The following BTBD7 variants were observed in gnomAD, a reference collection of about 807,000 sequenced individuals.
BTBD7 encodes the protein BTB/POZ domain-containing protein 7.
Under a neutral mutation model 99.9 loss-of-function variants are expected in BTBD7, and 38 were observed. The observed-to-expected ratio is 0.38, with a 90% CI of 0.29 to 0.50. The LOEUF (loss-of-function observed/expected upper bound fraction) is 0.50. BTBD7 is among the 20% of genes least tolerant of loss of function. BTBD7 has a pLI of 0.93. For missense variants in BTBD7, 1,170 were observed against 1,394.6 expected, an observed-to-expected ratio of 0.84 and a Z score of 2.57; for synonymous variants, 520 against 511.4, an observed-to-expected ratio of 1.02 and a Z score of -0.23.
In BTBD7 at chr14:93,264,543, T is replaced by C. The variant is rs924672677; in HGVS notation, c.1163-550A>G. On this transcript the variant is annotated intron_variant, in intron 3 of 10. Transcript: ENST00000334746. Reference sequence around the variant, plus strand: ...ATTCTGGCAAACTTGAAAAAGTAAGTGAAGAGGACCAGGATCCTGGAGAAA... The same window carrying C: ...ATTCTGGCAAACTTGAAAAAGTAAGCGAAGAGGACCAGGATCCTGGAGAAA... Among the ~76,000 whole-genome samples, 5 of 151,918 alleles carry C rather than the reference T, an allele frequency of 3.3e-5. No individual in the cohort carries two copies. In the East Asian group the frequency reaches 9.7e-4, roughly 29 times the overall value.
At chr14:93,330,099 C>G (rs1002865945) in intron 1 of BTBD7, among the ~76,000 whole-genome samples, 6 of 152,178 alleles carry the variant, frequency 3.9e-5, no homozygotes, top group African/African-American at 1.4e-4. Context: ...TCTCCTCACT[C>G]TAACTTAACC....
chr14:93,315,405 C>T (rs1437738567), intron 1 of BTBD7, among the ~76,000 whole-genome samples: 5 of 152,170 alleles, frequency 3.3e-5, no homozygotes, highest in African/African-American at 1.2e-4. Context: ...TTTTGTTAGC[C>T]ATTGAGGTGT....
chr14:93,307,450 C>A (rs2053084513), intron 1 of BTBD7, among the ~76,000 whole-genome samples: 1 of 152,184 alleles, frequency 6.6e-6, no homozygotes, highest in South Asian at 2.1e-4. Context: ...GCCAGCACAC[C>A]CAGACGTGAC....
At chr14:93,300,878 A>G (rs1041600479) in intron 1 of BTBD7, among the ~76,000 whole-genome samples, 3 of 151,800 alleles carry the variant, frequency 2.0e-5, no homozygotes, top group Non-Finnish European at 2.9e-5. Flanking sequence ...GGCTTCCCAA[A>G]GTGCTGGGAT....
At chr14:93,252,226 C>T (rs114531393) in intron 7 of BTBD7, among the ~76,000 whole-genome samples, 2,538 of 151,760 alleles carry the variant, frequency 0.017, 74 homozygotes, top group African/African-American at 0.059. Flanking sequence ...ACGAGAACTG[C>T]TTGAACTCGG....
At chr14:93,259,717 T>A (rs2052467476) in intron 5 of BTBD7, among the ~76,000 whole-genome samples, 1 of 152,226 alleles carries the variant, frequency 6.6e-6, no homozygotes, top group Non-Finnish European at 1.5e-5. Context: ...GTGGATCATC[T>A]GAGGTCAGGA....
At chr14:93,256,928 A>G in intron 6 of BTBD7, 1 of 398,316 alleles carries the variant, frequency 2.5e-6, no homozygotes, top group Non-Finnish European at 4.5e-6. Context: ...TCTACACTTA[A>G]ATGACAGAAT....
intron 1 of BTBD7, among the ~76,000 whole-genome samples, chr14:93,322,307 T>C (rs1166447172): frequency 6.6e-6 from 1 of 151,842 alleles, no homozygotes; most frequent in Non-Finnish European, 1.5e-5. Flanking sequence ...TTTGTAGAGG[T>C]GTGATCTCGC....
intron 1 of BTBD7, 66 bp downstream of exon 1, chr14:93,332,754 G>A (rs1566872023): frequency 1.4e-6 from 2 of 1,438,392 alleles, no homozygotes; most frequent in Non-Finnish European, 1.8e-6. Context: ...TCCTCTCCCG[G>A]ACGCCCCGCG....
Position 93,294,337 on chromosome 14 carries a change from C to G in BTBD7, c.683G>C (p.Gly228Ala), listed in dbSNP as rs1221777288. ...DILVQLSEEF[G>A]TPNSLDVDMR... ...ATCTACATCAAGGGAATTTGGTGTT[C>G]CAAATTCTTCACTAAGCTGAACAAG... Residue 228 changes from glycine (G) to alanine (A), a missense_variant, in exon 3 of 11, where the codon GGA (glycine) becomes GCA (alanine). Physicochemically the swap from Gly to Ala is moderately conservative, Grantham distance 60 (BLOSUM62 0). This residue lies in a region of BTBD7 where 359 missense variants were observed against 497.9 expected (regional missense o/e 0.72). Transcript: ENST00000334746. 1 of 1,613,990 alleles carries G rather than the reference C, an allele frequency of 6.2e-7. No individual in the cohort carries two copies. Among genetic ancestry groups the G allele is most frequent in the East Asian group, 2.2e-5 (1 of 44,894 alleles).
At chr14:93,264,106 A>T (rs1193906323) in intron 3 of BTBD7, 113 bp from the exon 4 acceptor site, 39 of 902,618 alleles carry the variant, frequency 4.3e-5, no homozygotes, top group Non-Finnish European at 5.5e-5. Context: ...ACTCAAGGAG[A>T]TAAATAAAAT....
In BTBD7 at chr14:93,246,225, C is replaced by T; in HGVS notation, c.2183G>A (p.Arg728Lys). 6.3e-7 allele frequency: 1 copy of T among 1,587,994 alleles called. No individual in the cohort carries two copies. Among genetic ancestry groups the T allele is most frequent in the Non-Finnish European group, 8.6e-7 (1 of 1,165,422 alleles). The change falls in exon 10 of 11, where the codon AGA becomes AAA. Residue 728 changes from arginine (R) to lysine (K), a missense_variant. Transcript: ENST00000334746. ...GTTTACGCGACATCTCCCAGGCTGTCTCATTGTCAAGAGTGGACTTTCATC... is the reference window on the plus strand; with the variant it reads ...GTTTACGCGACATCTCCCAGGCTGTTTCATTGTCAAGAGTGGACTTTCATC... ...FGDESPLLTM[R>K]QPGRCRVNST...
intron 1 of BTBD7, among the ~76,000 whole-genome samples, chr14:93,308,151 G>A (rs966753874): frequency 1.3e-5 from 2 of 152,096 alleles, no homozygotes; most frequent in Non-Finnish European, 2.9e-5. Flanking sequence ...GCCGGGTGTG[G>A]TGGTGGGCGC....
At chr14:93,282,606 C>T (rs549458700) in intron 3 of BTBD7, among the ~76,000 whole-genome samples, 1 of 152,150 alleles carries the variant, frequency 6.6e-6, no homozygotes, top group African/African-American at 2.4e-5. Context: ...GTTGGAATTA[C>T]AGGCACGAGC....
At chr14:93,282,496 C>T (rs533694930) in intron 3 of BTBD7, among the ~76,000 whole-genome samples, 2 of 152,196 alleles carry the variant, frequency 1.3e-5, no homozygotes, top group East Asian at 3.9e-4. Context: ...CCACACCTGG[C>T]TAATTTTTGT....
chr14:93,258,907 A>C (rs1052201204), intron 5 of BTBD7, among the ~76,000 whole-genome samples: 1 of 152,192 alleles, frequency 6.6e-6, no homozygotes, highest in East Asian at 1.9e-4. Flanking sequence ...TTCTAAGGAA[A>C]ATTTTAACCC....
At chr14:93,256,894 C>G (rs1330835869) in intron 6 of BTBD7, 3 of 256,430 alleles carry the variant, frequency 1.2e-5, no homozygotes, top group Admixed American at 1.2e-4. Flanking sequence ...CTACCTTTCC[C>G]TTTTTGAATA....
At chr14:93,287,207 C>T (rs1227048534) in intron 3 of BTBD7, among the ~76,000 whole-genome samples, 1 of 148,052 alleles carries the variant, frequency 6.8e-6, no homozygotes, top group Non-Finnish European at 1.5e-5. Flanking sequence ...CTAGCCTGGG[C>T]GACAGAGCGA....
intron 7 of BTBD7, 55 bp downstream of exon 7, chr14:93,253,592 T>C (rs1217109059): frequency 1.3e-6 from 2 of 1,494,512 alleles, no homozygotes; most frequent in Non-Finnish European, 1.8e-6. Flanking sequence ...GTGAACCACT[T>C]TGTGCATATG....
Sources: allele counts gnomAD v4.1 joint callset (sites outside exome capture counted in the v4.1 genomes callset), GRCh38; gene constraint gnomAD v4.1.1; regional missense constraint gnomAD v4.1.1; transcripts MANE v1.5; gene names NCBI Gene and HGNC (gene_info 2026-07-23, HGNC 2026-07-21).